Variants in UNC79 observed in about 807,000 individuals in gnomAD.
UNC79 encodes the protein unc-79 subunit of NALCN channel complex, also known as protein unc-79 homolog.
In UNC79, 37 loss-of-function variants were observed where a neutral mutation model predicts 283.1. That is an observed-to-expected ratio of 0.13 (90% confidence interval 0.10 to 0.17). The LOEUF (loss-of-function observed/expected upper bound fraction) is 0.17. Among genes scored for constraint, UNC79 ranks in the 10% least tolerant of loss-of-function variants. UNC79 has a pLI of 1.00. For synonymous variants in UNC79, 1,107 were observed against 1,200.2 expected (o/e 0.92, Z 1.61); for missense variants, 2,272 against 3,211.1 (o/e 0.71, Z 7.07).
chr14:93,584,004 G>A (rs547536768), intron 20 of UNC79, among the ~76,000 whole-genome samples: 6 of 151,830 alleles, frequency 4.0e-5, no homozygotes, highest in African/African-American at 1.2e-4. Context: ...ATGGGTTTTC[G>A]CCATGTTGCT....
In UNC79 at chr14:93,690,005, G is replaced by A; in HGVS notation, c.7086-112G>A. 3 of 1,214,008 alleles carry A rather than the reference G, an allele frequency of 2.5e-6. No individual in the cohort carries two copies. The allele number at this position is 1,214,008 out of a possible 1,614,324, so 75.2% of individuals were successfully genotyped here. A position where few individuals can be genotyped will look rare whatever the true frequency, so the allele number is the denominator to read the frequency against. On this transcript the variant is annotated intron_variant, in intron 44 of 48. Transcript: ENST00000555664. The surrounding 1 kb of genome is among the most constrained non-coding windows in gnomAD (Gnocchi z 4.3). ...CAATTGCCTTGGCGTTTTGTTTTAT[G>A]TGATTGCCTGCAAGACCACACTTTC...
intron 4 of UNC79, among the ~76,000 whole-genome samples, chr14:93,482,405 A>G (rs2058188374): frequency 6.6e-6 from 1 of 152,152 alleles, no homozygotes; most frequent in Non-Finnish European, 1.5e-5. Context: ...GTAGGCTTCC[A>G]GGTCACGTTG....
chr14:93,482,509 T>C (rs1040210740), intron 4 of UNC79, among the ~76,000 whole-genome samples: 1 of 152,168 alleles, frequency 6.6e-6, no homozygotes, highest in Non-Finnish European at 1.5e-5. Context: ...CAATTACCTC[T>C]GCTCACACAA....
intron 1 of UNC79, among the ~76,000 whole-genome samples, chr14:93,411,683 A>G (rs571502926): frequency 6.7e-6 from 1 of 149,178 alleles, no homozygotes; most frequent in African/African-American, 2.5e-5. Flanking sequence ...ATCTCTTCCA[A>G]GACAATCAAG....
chr14:93,496,345 G>A (rs8006093), intron 5 of UNC79, 66 bp from the exon 6 acceptor site: 983,828 of 1,016,546 alleles, frequency 0.97, 476,115 homozygotes, highest in African/African-American at 0.99. Context: ...TCTTATATAT[G>A]TATATCAAAG....
chr14:93,657,411 G>A (rs1472172076), intron 38 of UNC79, among the ~76,000 whole-genome samples: 1 of 151,182 alleles, frequency 6.6e-6, no homozygotes, highest in Non-Finnish European at 1.5e-5. Context: ...GAGTGCAGTG[G>A]CACAATCTCG....
chr14:93,417,325 T>C (rs996532362), intron 1 of UNC79, among the ~76,000 whole-genome samples: 84 of 152,308 alleles, frequency 5.5e-4, no homozygotes, highest in African/African-American at 1.9e-3. Flanking sequence ...AAAATTCTTT[T>C]CTTTAAGAAT....
exon 16 of UNC79, chr14:93,572,805 C>T: frequency 6.2e-7 from 1 of 1,613,392 alleles, no homozygotes; most frequent in South Asian, 1.1e-5. Flanking sequence ...GCAAGCTTTA[C>T]TGTGGCTTCA....
intron 1 of UNC79, among the ~76,000 whole-genome samples, chr14:93,382,823 C>T (rs1430014179): frequency 1.3e-5 from 2 of 152,062 alleles, no homozygotes; most frequent in Non-Finnish European, 2.9e-5. Flanking sequence ...ACTGCCGCAT[C>T]AATATTAAAT....
intron 1 of UNC79, 101 bp from the exon 2 acceptor site, chr14:93,467,570 A>G: frequency 8.6e-7 from 1 of 1,165,424 alleles, no homozygotes; most frequent in Middle Eastern, 3.0e-4. Context: ...CATTTTTAAA[A>G]ATGACTGTAT....
chr14:93,658,854 TCATC>T (rs543094478), intron 38 of UNC79, among the ~76,000 whole-genome samples: 36 of 152,056 alleles, frequency 2.4e-4, no homozygotes, highest in African/African-American at 3.6e-4. Flanking sequence ...GTCCATCTAT[TCATC>T]CATCCATCCA....
exon 13 of UNC79, chr14:93,540,786 T>C (rs1262140240): frequency 4.3e-6 from 7 of 1,613,408 alleles, no homozygotes; most frequent in Non-Finnish European, 5.1e-6. Flanking sequence ...AGGACGATGA[T>C]AAACACGATC....
At chr14:93,653,630 TGA>T in intron 35 of UNC79, 110 bp from the exon 39 acceptor site, 1 of 887,250 alleles carries the variant, frequency 1.1e-6, no homozygotes, top group Non-Finnish European at 1.8e-6. Context: ...AACATGACAG[TGA>T]GCTATCCCAT....
At chr14:93,589,766 A>G (rs751301400) in intron 22 of UNC79, among the ~76,000 whole-genome samples, 18 of 152,280 alleles carry the variant, frequency 1.2e-4, no homozygotes, top group Middle Eastern at 3.4e-3. Context: ...CTAGACTCTC[A>G]AGAGAAAATC....
At chr14:93,554,801 C>T (rs1447275429) in intron 14 of UNC79, among the ~76,000 whole-genome samples, 1 of 152,214 alleles carries the variant, frequency 6.6e-6, no homozygotes, top group Non-Finnish European at 1.5e-5. Context: ...CCTTAAACAA[C>T]CTCTAAATTA....
chr14:93,558,593 ATTTTTTTTTTTTTTTTTTTTTTTTTTTTT>A (rs71129647), intron 14 of UNC79, among the ~76,000 whole-genome samples: 3 of 62,778 alleles, frequency 4.8e-5, no homozygotes, highest in East Asian at 4.7e-4. Flanking sequence ...AGAAACAGGG[ATTTTTTTTTTTTTTTTTTTTTTTTTTTTT>A]TTTTTTTTTT....
intron 1 of UNC79, among the ~76,000 whole-genome samples, chr14:93,408,999 T>C (rs753515584): frequency 2.4e-4 from 37 of 152,232 alleles, no homozygotes; most frequent in Non-Finnish European, 4.9e-4. Context: ...TTTTAAACAC[T>C]TTGTCAATAA....
chr14:93,587,487 A>G (rs904000080), intron 22 of UNC79, among the ~76,000 whole-genome samples: 4 of 152,212 alleles, frequency 2.6e-5, no homozygotes, highest in Admixed American at 6.5e-5. Flanking sequence ...AAAAAAGGAA[A>G]AGATTGGTTC....
intron 1 of UNC79, among the ~76,000 whole-genome samples, chr14:93,339,181 A>G (rs561697162): frequency 6.6e-6 from 1 of 152,338 alleles, no homozygotes; most frequent in Admixed American, 6.5e-5. Flanking sequence ...CAGGGTACAG[A>G]TGTTCACACA....
Sources: allele counts gnomAD v4.1 joint callset (sites outside exome capture counted in the v4.1 genomes callset), GRCh38; gene constraint gnomAD v4.1.1; non-coding constraint Gnocchi (gnomAD v3.1); transcripts MANE v1.5; gene names NCBI Gene and HGNC (gene_info 2026-07-23, HGNC 2026-07-21).